OTUD3: variants seen among roughly 807,000 people sequenced by gnomAD.
OTUD3 encodes OTU domain-containing protein 3.
A neutral mutation model predicts 46.2 loss-of-function variants in OTUD3; 24 were observed. The ratio of observed to expected loss-of-function variants is 0.52; its 90% CI spans 0.38 to 0.73. The LOEUF (loss-of-function observed/expected upper bound fraction) is 0.73, where lower values mean the gene tolerates loss of function less well. Among genes scored for constraint, OTUD3 ranks in the 30% least tolerant of loss-of-function variants. The probability of loss-of-function intolerance (pLI) is 0.00; values close to 1 mark genes in which losing one functional copy is unlikely to be tolerated. For synonymous variants in OTUD3, 189 were observed against 195.4 expected (o/e 0.97, Z 0.27); for missense variants, 455 against 523.3 (o/e 0.87, Z 1.27).
At chr1:19,897,516 C>T (rs777170600) in intron 3 of OTUD3, 24 bp from the exon 4 acceptor site, 2 of 1,612,762 alleles carry the variant, frequency 1.2e-6, no homozygotes, top group South Asian at 2.2e-5. Flanking sequence ...TCCTCACTGG[C>T]ATGGCCCCTT....
Position 19,911,742 on chromosome 1 carries a change from A to G in OTUD3, c.*3996A>G, listed in dbSNP as rs1480213334. The G allele has an allele frequency of 6.6e-6, 1 of 152,262 alleles. No homozygotes were observed. The highest frequency in any genetic ancestry group is 1.5e-5 in the Non-Finnish European group (1 of 68,038). The allele number at this position is 152,262 out of a possible 1,614,324, so 9.4% of individuals were successfully genotyped here. The stretch of plus-strand genomic sequence containing the variant: ...TGATTTGAAGATCTAGATGGCATAA[A>G]TTACGACGTCTGCCATCGCATATTA... On this transcript the variant is annotated 3_prime_UTR_variant, in exon 8 of 8. Coordinates refer to ENST00000375120, the MANE Select transcript of OTUD3 (RefSeq NM_015207.2).
intron 2 of OTUD3, among the ~76,000 whole-genome samples, chr1:19,890,931 T>TA (rs1449602160): frequency 2.6e-5 from 4 of 152,212 alleles, no homozygotes; most frequent in Non-Finnish European, 5.9e-5. Context: ...TTTCAGAAAT[T>TA]ACTCATTCTC....
intron 6 of OTUD3, among the ~76,000 whole-genome samples, 179 bp from the exon 7 acceptor site, chr1:19,906,253 C>T (rs994721319): frequency 2.6e-5 from 4 of 152,198 alleles, no homozygotes; most frequent in African/African-American, 9.7e-5. Context: ...TATCTTCCAA[C>T]TTTTACCAAC....
At position 19,907,557 on chromosome 1, in the gene OTUD3, CCTT is replaced by C; in HGVS notation, c.1021-10_1021-8del. On this transcript the variant is annotated splice_polypyrimidine_tract_variant and intron_variant, in intron 7 of 7. Transcript: ENST00000375120. ...CCGTGCTTCCTACTCACCACCATGG[CCTT>C]CTCTCTCAGGTCACAAACAAACAGA... 1 of 1,613,562 alleles carries C rather than the reference CCTT, an allele frequency of 6.2e-7. No homozygotes were observed. The highest frequency in any genetic ancestry group is 1.1e-5 in the South Asian group (1 of 91,022).
intron 5 of OTUD3, 90 bp downstream of exon 5, chr1:19,904,488 T>TCAGCAC: frequency 7.8e-7 from 1 of 1,276,470 alleles, no homozygotes; most frequent in Admixed American, 2.3e-5. Context: ...CTCTAGCATA[T>TCAGCAC]CAGCACCTTG....
At position 19,912,427 on chromosome 1, in the gene OTUD3, C is replaced by T. The variant is rs1438364197; in HGVS notation, c.*4681C>T. Reference sequence around the variant, plus strand: ...TCCCCAGTGCCTCTTCCAGAGCCTCCACCAGCACTAAGCTCAGAGGAAAGA... The same window carrying T: ...TCCCCAGTGCCTCTTCCAGAGCCTCTACCAGCACTAAGCTCAGAGGAAAGA... On this transcript the variant is annotated 3_prime_UTR_variant, in exon 8 of 8. Transcript: ENST00000375120. 6.5e-6 allele frequency: 1 copy of T among 153,000 alleles called. No homozygotes were observed. Among genetic ancestry groups the T allele is most frequent in the South Asian group, 2.1e-4 (1 of 4,834 alleles). The allele number at this position is 153,000 out of a possible 1,614,324, so 9.5% of individuals were successfully genotyped here.
At chr1:19,892,940 C>T (rs76478734) in intron 2 of OTUD3, among the ~76,000 whole-genome samples, 7,852 of 152,232 alleles carry the variant, frequency 0.052, 266 homozygotes, top group Non-Finnish European at 0.08. Flanking sequence ...GCCATTCCCC[C>T]CAACATTTTC....
Position 19,896,312 on chromosome 1 carries a change from C to T in OTUD3, c.484-1228C>T, listed in dbSNP as rs556083214. ...ATGTGAAAGTCCTCTGTAATCTGCC[C>T]GTGAAAGTCACAGTTAACAATTTGG... On this transcript the variant is annotated intron_variant, in intron 3 of 7. Transcript: ENST00000375120. Among the ~76,000 whole-genome samples the T allele has an allele frequency of 1.4e-4, 22 of 151,990 alleles. No individual in the cohort carries two copies. In the South Asian group the frequency reaches 2.3e-3, roughly 16 times the overall value.
At chr1:19,894,551 A>G in intron 3 of OTUD3, 71 bp downstream of exon 3, 1 of 931,700 alleles carries the variant, frequency 1.1e-6, no homozygotes, top group Non-Finnish European at 1.7e-6. Context: ...TCCGAAGATG[A>G]GGGGCTTGAC....
In OTUD3 at chr1:19,904,850, A is replaced by T. The variant is rs369176936; in HGVS notation, c.739-41A>T. 4.2e-6 allele frequency: 4 copies of T among 945,532 alleles called. No homozygotes were observed. The African/African-American group carries it at 6.6e-5, about 16-fold the overall frequency. The allele number at this position is 945,532 out of a possible 1,614,324, so 58.6% of individuals were successfully genotyped here. A position where few individuals can be genotyped will look rare whatever the true frequency, so the allele number is the denominator to read the frequency against. ...GAGCTAGGCAGAAAAATATACCCAG[A>T]GTTTTGAAGTGGTTTTTTTGTTTGT... On this transcript the variant is annotated intron_variant, in intron 5 of 7. Transcript: ENST00000375120.
At chr1:19,890,746 A>T (rs549111400) in intron 2 of OTUD3, among the ~76,000 whole-genome samples, 14 of 152,276 alleles carry the variant, frequency 9.2e-5, no homozygotes, top group African/African-American at 3.4e-4. Context: ...AATAAACATG[A>T]TGGTATTAAT....
intron 1 of OTUD3, among the ~76,000 whole-genome samples, 161 bp from the exon 2 acceptor site, chr1:19,890,224 C>T (rs1261301253): frequency 6.6e-6 from 1 of 152,198 alleles, no homozygotes; most frequent in Non-Finnish European, 1.5e-5. Context: ...TGCCCTCATG[C>T]TGTCCCCCGT....
intron 7 of OTUD3, 124 bp from the exon 8 acceptor site, chr1:19,907,446 T>G: frequency 2.6e-6 from 2 of 783,754 alleles, no homozygotes; most frequent in Non-Finnish European, 4.1e-6. Flanking sequence ...CTTTGGCGTC[T>G]TAGATTGGTT....
chr1:19,887,333 C>T (rs1355187970), intron 1 of OTUD3, among the ~76,000 whole-genome samples: 1 of 152,154 alleles, frequency 6.6e-6, no homozygotes, highest in African/African-American at 2.4e-5. Flanking sequence ...ATCCGCCTGC[C>T]TTGGCTTCCC....
chr1:19,888,606 C>T (rs984781883), intron 1 of OTUD3, among the ~76,000 whole-genome samples: 1 of 152,128 alleles, frequency 6.6e-6, no homozygotes, highest in African/African-American at 2.4e-5. Flanking sequence ...GACATTCGAG[C>T]GAGAGCCACG....
chr1:19,886,987 A>G (rs2045370842), intron 1 of OTUD3, among the ~76,000 whole-genome samples: 1 of 152,242 alleles, frequency 6.6e-6, no homozygotes, highest in African/African-American at 2.4e-5. Flanking sequence ...AACTAATTTT[A>G]GTATATTTTA....
intron 4 of OTUD3, among the ~76,000 whole-genome samples, chr1:19,899,041 G>A (rs1331615182): frequency 6.6e-6 from 1 of 152,098 alleles, no homozygotes; most frequent in Non-Finnish European, 1.5e-5. Context: ...CAGCTCCTGG[G>A]CTCAAGTGAT....
intron 3 of OTUD3, 145 bp downstream of exon 3, chr1:19,894,625 T>C (rs745617099): frequency 8.8e-5 from 48 of 547,218 alleles, no homozygotes; most frequent in Middle Eastern, 8.3e-4. Context: ...AAAAATCTTG[T>C]GATGGCTCAG....
intron 4 of OTUD3, 83 bp downstream of exon 4, chr1:19,897,745 G>A (rs946391366): frequency 7.3e-7 from 1 of 1,361,436 alleles, no homozygotes; most frequent in Non-Finnish European, 9.9e-7. Context: ...CTAAAAACCA[G>A]TAATGTTTTT....
Sources: allele counts gnomAD v4.1 joint callset (sites outside exome capture counted in the v4.1 genomes callset), GRCh38; gene constraint gnomAD v4.1.1; transcripts MANE v1.5; gene names NCBI Gene and HGNC (gene_info 2026-07-23, HGNC 2026-07-21).